The following AKT1 variants were observed in gnomAD, a reference collection of about 807,000 sequenced individuals.
AKT1 encodes AKT serine/threonine kinase 1.
In AKT1, 21 loss-of-function variants were observed where a neutral mutation model predicts 63.1. The ratio of observed to expected loss-of-function variants is 0.33; its 90% CI spans 0.24 to 0.48. The LOEUF (loss-of-function observed/expected upper bound fraction) is 0.48, where lower values mean the gene tolerates loss of function less well. AKT1 is among the 20% of genes least tolerant of loss of function. AKT1 has a pLI of 0.99. For missense variants in AKT1, 382 were observed against 666.0 expected, an observed-to-expected ratio of 0.57 and a Z score of 4.69; for synonymous variants, 257 against 253.1, an observed-to-expected ratio of 1.02 and a Z score of -0.15.
intron 8 of AKT1, chr14:104,774,606 G>T: frequency 2.6e-6 from 1 of 389,312 alleles, no homozygotes; most frequent in South Asian, 3.8e-5. Flanking sequence ...AGGTTCTGCA[G>T]GACAGAGCCC....
intron 13 of AKT1, 154 bp downstream of exon 13, chr14:104,772,211 T>C (rs1892427185): frequency 1.3e-6 from 1 of 792,312 alleles, no homozygotes; most frequent in Admixed American, 2.0e-5. Context: ...GGCGCTGAGG[T>C]TGGTGCAGCA....
chr14:104,772,604 G>T, intron 12 of AKT1, 152 bp from the exon 13 acceptor site: 1 of 810,488 alleles, frequency 1.2e-6, no homozygotes, highest in South Asian at 1.7e-5. Flanking sequence ...GAGCAGCTGT[G>T]GGTAGCAAAG....
Position 104,773,440 on chromosome 14 carries a change from T to G in AKT1, c.828+15A>C, listed in dbSNP as rs201611116. On this transcript the variant is annotated intron_variant, in intron 10 of 14. Coordinates refer to ENST00000649815, the MANE Select transcript of AKT1 (RefSeq NM_001382430.1). ...GCCCCCAGGGCCCTGCCCCCCTGCCTGCCCGCCAGCGCACCTTGAGGTCCC... is the reference window on the plus strand; with the variant it reads ...GCCCCCAGGGCCCTGCCCCCCTGCCGGCCCGCCAGCGCACCTTGAGGTCCC... The G allele has an allele frequency of 6.2e-7, 1 of 1,613,908 alleles. No individual in the cohort carries two copies. Among genetic ancestry groups the G allele is most frequent in the Non-Finnish European group, 8.5e-7 (1 of 1,179,868 alleles).
At chr14:104,784,598 C>T (rs998941993) in intron 3 of AKT1, among the ~76,000 whole-genome samples, 9 of 152,172 alleles carry the variant, frequency 5.9e-5, no homozygotes, top group African/African-American at 9.7e-5. Flanking sequence ...TCCCAGAAGT[C>T]CTCCTGGACC....
At chr14:104,782,324 C>T (rs1337308391) in intron 3 of AKT1, among the ~76,000 whole-genome samples, 3 of 152,168 alleles carry the variant, frequency 2.0e-5, no homozygotes, top group Middle Eastern at 3.2e-3. Context: ...GACTGATGAG[C>T]GCCCAGGCCC....
Position 104,795,709 on chromosome 14 carries a change from G to C in AKT1, c.-483C>G, listed in dbSNP as rs1261176457. ...CCCGTCTTCGGGCCGCGCTGCGTGC[G>C]CTGGGCCAGCCGCCTGCCGCGCTCG... On this transcript the variant is annotated 5_prime_UTR_variant, in exon 1 of 15. Transcript: ENST00000649815. This position sits in a 1 kb window ranked among gnomAD's most constrained non-coding sequence, Gnocchi z 5.1. 2 of 146,142 alleles carry C rather than the reference G, an allele frequency of 1.4e-5. No homozygotes were observed. The highest frequency in any genetic ancestry group is 4.0e-4 in the East Asian group (2 of 4,982). The allele number at this position is 146,142 out of a possible 1,614,324, so 9.1% of individuals were successfully genotyped here.
chr14:104,782,164 T>C (rs956775589), intron 3 of AKT1, among the ~76,000 whole-genome samples: 11 of 151,526 alleles, frequency 7.3e-5, no homozygotes, highest in African/African-American at 2.4e-4. Context: ...CTCAGGGGGC[T>C]GCATGCAGCC....
chr14:104,772,832 T>C (rs1310814469), intron 12 of AKT1, 46 bp downstream of exon 12: 1 of 1,564,696 alleles, frequency 6.4e-7, no homozygotes. Context: ...AGCCTGGGGA[T>C]GAGGGGATGG....
At position 104,769,557 on chromosome 14, in the gene AKT1, C is replaced by T. The variant is rs1289495993; in HGVS notation, c.*784G>A. 16 of 533,352 alleles carry T rather than the reference C, an allele frequency of 3.0e-5. No homozygotes were observed. The highest frequency in any genetic ancestry group is 1.9e-4 in the African/African-American group (10 of 53,510). 33.0% of individuals were successfully genotyped at this position (533,352 alleles called of 1,614,324 possible). On this transcript the variant is annotated 3_prime_UTR_variant, in exon 15 of 15. Coordinates refer to ENST00000649815, the MANE Select transcript of AKT1 (RefSeq NM_001382430.1). ...GGGCGACAGCGGAAAGGTTAAGCGT[C>T]GAAAAGGTCAAGTGCTACCGTGGAG...
intron 13 of AKT1, chr14:104,771,462 T>C: frequency 4.3e-6 from 1 of 232,032 alleles, no homozygotes; most frequent in Non-Finnish European, 8.5e-6. Flanking sequence ...GGCACCAGCA[T>C]TGTCCATTGT....
Position 104,769,951 on chromosome 14 carries a change from T to G in AKT1, c.*390A>C. On this transcript the variant is annotated 3_prime_UTR_variant, in exon 15 of 15. Transcript: ENST00000649815. ...CCCAGGGCCCCAGAGAGATGACAGA[T>G]AGCTGGTGACAGACAGCCCAGGGCG... is the stretch of plus-strand genomic sequence containing the variant. The G allele has an allele frequency of 2.4e-6, 1 of 413,980 alleles. No individual in the cohort carries two copies. The highest frequency in any genetic ancestry group is 2.3e-5 in the South Asian group (1 of 43,266). 25.6% of individuals were successfully genotyped at this position (413,980 alleles called of 1,614,324 possible). A position where few individuals can be genotyped will look rare whatever the true frequency, so the allele number is the denominator to read the frequency against.
chr14:104,791,402 A>C (rs1177793923), intron 3 of AKT1, among the ~76,000 whole-genome samples: 1 of 151,768 alleles, frequency 6.6e-6, no homozygotes, highest in East Asian at 1.9e-4. Context: ...CCTTGGGGGG[A>C]AGCAGAGCCA....
At chr14:104,776,874 C>T in intron 4 of AKT1, 104 bp from the exon 5 acceptor site, 2 of 917,102 alleles carry the variant, frequency 2.2e-6, no homozygotes, top group Middle Eastern at 2.8e-4. Context: ...ATACCACCCA[C>T]CAGGTCCTGG....
In AKT1 at chr14:104,770,411, A is replaced by T. The variant is rs587778018; in HGVS notation, c.1373T>A (p.Met458Lys). The change falls in exon 15 of 15, where the codon ATG becomes AAG. Residue 458 changes from methionine to lysine, a missense_variant. Around this residue, in one of 3 missense-constraint regions of AKT1, gnomAD observed 90 missense variants for 120.5 expected, o/e 0.75. Transcript: ENST00000649815. ...TITPPDQDDS[M>K]ECVDSERRPH... Reference sequence around the variant, plus strand: ...CCTGCGCTCGCTGTCCACACACTCCATGCTGTCATCTGTGGGTGTAGACAG... The same window carrying T: ...CCTGCGCTCGCTGTCCACACACTCCTTGCTGTCATCTGTGGGTGTAGACAG... The T allele has an allele frequency of 5.0e-6, 8 of 1,611,422 alleles. No individual in the cohort carries two copies. The highest frequency in any genetic ancestry group is 6.8e-6 in the Non-Finnish European group (8 of 1,179,580).
At position 104,770,804 on chromosome 14, in the gene AKT1, G is replaced by A; in HGVS notation, c.1304C>T (p.Thr435Ile). The A allele has an allele frequency of 1.2e-6, 2 of 1,614,088 alleles. No homozygotes were observed. The highest frequency in any genetic ancestry group is 1.7e-4 in the Middle Eastern group (1 of 6,060). The change falls in exon 14 of 15, where the codon ACC becomes ATC. Residue 435 changes from threonine to isoleucine, a missense_variant. Around this residue, in one of 3 missense-constraint regions of AKT1, gnomAD observed 90 missense variants for 120.5 expected, o/e 0.75. Coordinates refer to ENST00000649815, the MANE Select transcript of AKT1 (RefSeq NM_001382430.1). ...CGTGAACTCCTCATCAAAATACCTG[G>A]TGTCAGTCTCCGACGTGACCTGGGG... Reference protein sequence around the residue: ...FKPQVTSETDTRYFDEEFTAQ... With the variant: ...FKPQVTSETDIRYFDEEFTAQ...
At chr14:104,779,726 CGG>C (rs1017651319) in intron 4 of AKT1, among the ~76,000 whole-genome samples, 1 of 151,182 alleles carries the variant, frequency 6.6e-6, no homozygotes, top group Non-Finnish European at 1.5e-5. Flanking sequence ...CAGCCAGCCT[CGG>C]CCTCGGGACT....
chr14:104,777,331 G>A, intron 4 of AKT1: 1 of 220,000 alleles, frequency 4.5e-6, no homozygotes, highest in Non-Finnish European at 8.8e-6. Context: ...CACACCTGGG[G>A]CACACATACA....
At chr14:104,774,743 G>A (rs1892610727) in intron 8 of AKT1, 195 bp downstream of exon 8, 2 of 637,714 alleles carry the variant, frequency 3.1e-6, no homozygotes, top group African/African-American at 1.8e-5. Context: ...CACGGGAGCA[G>A]CGAGCACAGC....
In AKT1 at chr14:104,769,517, G is replaced by A; in HGVS notation, c.*824C>T. On this transcript the variant is annotated 3_prime_UTR_variant, in exon 15 of 15. Coordinates refer to ENST00000649815, the MANE Select transcript of AKT1 (RefSeq NM_001382430.1). The stretch of plus-strand genomic sequence containing the variant: ...CCAGGGATGGCCACCCCCACAGGGA[G>A]TCAGGGAGGGCCTGGGGCGACAGCG... 1 of 533,028 alleles carries A rather than the reference G, an allele frequency of 1.9e-6. No individual in the cohort carries two copies. 33.0% of individuals were successfully genotyped at this position (533,028 alleles called of 1,614,324 possible).
Sources: gnomAD v4.1 joint callset for allele counts (sites outside exome capture counted in the v4.1 genomes callset) on GRCh38, gnomAD v4.1.1 for gene constraint, gnomAD v4.1.1 regional missense constraint, Gnocchi (gnomAD v3.1) non-coding constraint, MANE v1.5 for transcripts, NCBI Gene and HGNC (gene_info 2026-07-23, HGNC 2026-07-21) for gene names.